The following BLTP1 variants were observed in gnomAD, a reference collection of about 807,000 sequenced individuals.
BLTP1 encodes the protein fragile site-associated protein.
chr4:122,185,266 C>T, the BLTP1 span: 22 of 975,420 alleles, frequency 2.3e-5, no homozygotes, highest in African/African-American at 8.8e-5. Flanking sequence ...TTTAAATATC[C>T]GTAAATGTTT....
At chr4:122,212,114 A>G in the BLTP1 span, 14 of 978,540 alleles carry the variant, frequency 1.4e-5, no homozygotes, top group African/African-American at 2.3e-4. Flanking sequence ...GGGAAGCACA[A>G]TCAAGGTTTG....
the BLTP1 span, chr4:122,349,664 T>C: frequency 3.8e-6 from 6 of 1,586,058 alleles, no homozygotes; most frequent in Non-Finnish European, 5.2e-6. The surrounding 1 kb of genome is among the most constrained non-coding windows in gnomAD (Gnocchi z 4.5). Context: ...GGATTACTTT[T>C]TGGACACTTT....
chr4:122,310,964 A>C, the BLTP1 span: 1 of 812,752 alleles, frequency 1.2e-6, no homozygotes, highest in Non-Finnish European at 1.5e-6. Flanking sequence ...ATTTTACACA[A>C]TAGTTATACA....
At chr4:122,349,716 A>G in the BLTP1 span, 14 of 1,535,838 alleles carry the variant, frequency 9.1e-6, no homozygotes, top group Non-Finnish European at 1.2e-5. This position sits in a 1 kb window ranked among gnomAD's most constrained non-coding sequence, Gnocchi z 4.5. Flanking sequence ...CTGGTGAGAA[A>G]ACAGCAATTT....
chr4:122,276,191 A>G, the BLTP1 span: 8 of 562,072 alleles, frequency 1.4e-5, no homozygotes, highest in African/African-American at 2.0e-5. Context: ...CAAGGAAAAC[A>G]CAGGTAAGGG....
the BLTP1 span, chr4:122,304,745 A>G: frequency 2.5e-6 from 4 of 1,596,742 alleles, no homozygotes; most frequent in Admixed American, 6.8e-5. Context: ...TTGAGTAGGT[A>G]TATGTTGTTG....
the BLTP1 span, chr4:122,297,853 A>C: frequency 6.6e-6 from 1 of 152,220 alleles, no homozygotes; most frequent in Non-Finnish European, 1.5e-5. Flanking sequence ...TGGGAGCTGA[A>C]CAATGAGAAC....
chr4:122,156,777 T>C, the BLTP1 span, among the ~76,000 whole-genome samples: 149 of 152,206 alleles, frequency 9.8e-4, no homozygotes, highest in Non-Finnish European at 1.6e-3. Flanking sequence ...GATAAAGGAA[T>C]GAGGCAAAAT....
chr4:122,164,513 A>G, the BLTP1 span: 71 of 672,504 alleles, frequency 1.1e-4, no homozygotes, highest in Middle Eastern at 7.2e-4. Context: ...ACTGTGTTCT[A>G]TTAAGAGGCT....
chr4:122,218,137 AT>A, the BLTP1 span, among the ~76,000 whole-genome samples: 2 of 149,730 alleles, frequency 1.3e-5, no homozygotes, highest in African/African-American at 2.5e-5. Flanking sequence ...ATGGTCCATC[AT>A]TTTTTTTTGT....
the BLTP1 span, chr4:122,187,656 T>G: frequency 1.1e-6 from 1 of 895,922 alleles, no homozygotes; most frequent in East Asian, 2.9e-5. Flanking sequence ...GTGAGTGAAA[T>G]AATTATTTTA....
At chr4:122,175,256 G>A in the BLTP1 span, 12 of 984,800 alleles carry the variant, frequency 1.2e-5, no homozygotes, top group South Asian at 5.2e-4. Flanking sequence ...TAAAACTAGA[G>A]GAGACAACTT....
chr4:122,301,449 T>C, the BLTP1 span: 1 of 1,019,276 alleles, frequency 9.8e-7, no homozygotes. Context: ...TCAATTAATA[T>C]ATGCTTGTTA....
chr4:122,224,202 A>T, the BLTP1 span: 1 of 565,628 alleles, frequency 1.8e-6, no homozygotes, highest in East Asian at 1.5e-4. Flanking sequence ...TCAAAGTACT[A>T]CTGTAGTTTC....
the BLTP1 span, among the ~76,000 whole-genome samples, chr4:122,309,763 G>A: frequency 4.0e-5 from 6 of 151,494 alleles, no homozygotes; most frequent in South Asian, 2.1e-4. Context: ...TTGACCTGTC[G>A]GAATCTTGAA....
At chr4:122,254,458 G>A in the BLTP1 span, 1 of 1,279,148 alleles carries the variant, frequency 7.8e-7, no homozygotes, top group Non-Finnish European at 1.0e-6. Context: ...ATAGTATTAA[G>A]GTTGCAACTT....
the BLTP1 span, chr4:122,347,899 C>CA: frequency 0.049 from 19,451 of 400,862 alleles, 227 homozygotes; most frequent in East Asian, 0.09. Context: ...TATGACACGT[C>CA]AAAAAAAAAA....
At chr4:122,299,352 A>G in the BLTP1 span, among the ~76,000 whole-genome samples, 5 of 152,274 alleles carry the variant, frequency 3.3e-5, no homozygotes, top group East Asian at 1.9e-4. Context: ...GGAGTAAAAA[A>G]TAAATAAGAA....
chr4:122,201,086 C>G, the BLTP1 span: 15 of 1,613,454 alleles, frequency 9.3e-6, no homozygotes, highest in African/African-American at 1.3e-5. Context: ...TTTATAAAGC[C>G]ACTTACCACT....
Sources: gnomAD v4.1 joint callset for allele counts (sites outside exome capture counted in the v4.1 genomes callset) on GRCh38, gnomAD v4.1.1 for gene constraint, Gnocchi (gnomAD v3.1) non-coding constraint, MANE v1.5 for transcripts, NCBI Gene and HGNC (gene_info 2026-07-23, HGNC 2026-07-21) for gene names.